TJP2: variants seen among roughly 807,000 people sequenced by gnomAD.
TJP2 encodes Friedreich ataxia region gene X104 (tight junction protein ZO-2).
In TJP2, 91 loss-of-function variants were observed where a neutral mutation model predicts 133.1. The ratio of observed to expected loss-of-function variants is 0.68; its 90% CI spans 0.58 to 0.81. The LOEUF (loss-of-function observed/expected upper bound fraction) is 0.81. TJP2 is among the 40% of genes least tolerant of loss of function. The pLI is 0.00. For synonymous variants in TJP2, 592 were observed against 583.4 expected (o/e 1.01, Z -0.21); for missense variants, 1,541 against 1,565.6 (o/e 0.98, Z 0.26).
chr9:69,162,716 C>A (rs1314593746), intron 2 of TJP2, among the ~76,000 whole-genome samples: 1 of 152,172 alleles, frequency 6.6e-6, no homozygotes, highest in East Asian at 1.9e-4. Context: ...CAAGTGTATA[C>A]CCCAGGTGTC....
intron 2 of TJP2, among the ~76,000 whole-genome samples, chr9:69,154,781 A>G (rs1020630377): frequency 2.6e-5 from 4 of 151,734 alleles, no homozygotes; most frequent in Non-Finnish European, 4.4e-5. Context: ...ATAATTTTAT[A>G]TAAAAAAATT....
intron 2 of TJP2, among the ~76,000 whole-genome samples, chr9:69,213,649 G>A (rs548216652): frequency 4.8e-4 from 73 of 152,364 alleles, no homozygotes; most frequent in South Asian, 2.3e-3. Context: ...CAGACTTCCA[G>A]ATCAGTAATC....
chr9:69,163,182 C>T lies in TJP2; in HGVS notation c.-10+11411C>T, dbSNP rs578053489. ...CTGGGACTACAGGCGCCCGCCACTA[C>T]GCCCGGCTAATTTTTTTTGTATTTT... On this transcript the variant is annotated intron_variant, in intron 2 of 5. Coordinates refer to the TJP2 transcript ENST00000423935. 1.4e-4 allele frequency among the ~76,000 whole-genome samples: 15 copies of T among 106,526 alleles called. 3 individuals are homozygous for T. Among genetic ancestry groups the T allele is most frequent in the East Asian group, 7.5e-4 (2 of 2,680 alleles). 69.9% of individuals were successfully genotyped at this position (106,526 alleles called of 152,430 possible). A position where few individuals can be genotyped will look rare whatever the true frequency, so the allele number is the denominator to read the frequency against.
At chr9:69,138,085 C>T (rs1173922225) in intron 1 of TJP2, among the ~76,000 whole-genome samples, 1 of 152,178 alleles carries the variant, frequency 6.6e-6, no homozygotes, top group Non-Finnish European at 1.5e-5. Flanking sequence ...GGATCTCCAT[C>T]CTGATTCCAA....
intron 1 of TJP2, among the ~76,000 whole-genome samples, chr9:69,134,303 G>A (rs1429763191): frequency 3.9e-5 from 6 of 152,214 alleles, no homozygotes; most frequent in Non-Finnish European, 7.3e-5. Flanking sequence ...CAGTCTGGAG[G>A]AGGCAGATGG....
At chr9:69,183,377 T>C (rs544955885) in intron 1 of TJP2, among the ~76,000 whole-genome samples, 117 of 152,284 alleles carry the variant, frequency 7.7e-4, no homozygotes, top group African/African-American at 2.7e-3. Context: ...TCTTCTGACT[T>C]CTCTCACCGT....
At chr9:69,217,869 A>T (rs988019984) in intron 3 of TJP2, among the ~76,000 whole-genome samples, 6 of 152,194 alleles carry the variant, frequency 3.9e-5, no homozygotes, top group Non-Finnish European at 7.3e-5. Context: ...GCACAAATGG[A>T]TATACACCTA....
chr9:69,152,051 TG>T (rs67559349), intron 2 of TJP2, among the ~76,000 whole-genome samples: 28,443 of 152,182 alleles, frequency 0.19, 2,734 homozygotes, highest in Middle Eastern at 0.23. Context: ...GTACAACTTC[TG>T]TGGTTCAAAA....
intron 3 of TJP2, among the ~76,000 whole-genome samples, chr9:69,218,051 A>G (rs970852595): frequency 6.6e-6 from 1 of 152,168 alleles, no homozygotes; most frequent in African/African-American, 2.4e-5. Flanking sequence ...ATTTCCATTT[A>G]GACACTCAGA....
At chr9:69,237,855 A>G in intron 14 of TJP2, 23 bp from the exon 15 acceptor site, 3 of 1,561,922 alleles carry the variant, frequency 1.9e-6, no homozygotes, top group Non-Finnish European at 2.6e-6. Flanking sequence ...TGTATGCTTT[A>G]ATGGCCTTTC....
chr9:69,227,930 A>AT lies in TJP2; in HGVS notation c.1320-48dup, dbSNP rs754359679. Reference sequence around the variant, plus strand: ...TCATTGTGAATGTACACACATATGTATTTATGAAACTGTTATCTCTTGAGA... The same window carrying AT: ...TCATTGTGAATGTACACACATATGTATTTTATGAAACTGTTATCTCTTGAGA... On this transcript the variant is annotated intron_variant, in intron 8 of 22. Coordinates refer to ENST00000377245, the MANE Select transcript of TJP2 (RefSeq NM_004817.4). 54 of 1,613,772 alleles carry AT rather than the reference A, an allele frequency of 3.3e-5. No individual in the cohort carries two copies. The Middle Eastern group carries it at 6.6e-4, about 20-fold the overall frequency.
intron 2 of TJP2, among the ~76,000 whole-genome samples, chr9:69,214,698 C>T (rs1176896278): frequency 6.6e-6 from 1 of 151,948 alleles, no homozygotes; most frequent in Non-Finnish European, 1.5e-5. Flanking sequence ...GAAACCCTCC[C>T]TGTCTCTCTA....
At chr9:69,183,739 A>T (rs1249524122) in intron 1 of TJP2, among the ~76,000 whole-genome samples, 3 of 151,950 alleles carry the variant, frequency 2.0e-5, no homozygotes, top group South Asian at 2.1e-4. Flanking sequence ...ATTTTAGATT[A>T]AAAAAAATAT....
Position 69,123,507 on chromosome 9 carries a change from G to A in TJP2, c.-131+1782G>A, listed in dbSNP as rs1173079314. 2.6e-5 allele frequency among the ~76,000 whole-genome samples: 2 copies of A among 76,692 alleles called. 1 individual carries two copies. The highest frequency in any genetic ancestry group is 6.0e-5 in the Non-Finnish European group (2 of 33,464). The allele number at this position is 76,692 out of a possible 152,430, so 50.3% of individuals were successfully genotyped here. ...ATTATATTTTTTGGAGGGAACAGAA[G>A]ATGTTGACTAAGAATGTACAGTAAA... On this transcript the variant is annotated intron_variant, in intron 1 of 5. Transcript: ENST00000423935.
rs1448680440 is a variant in TJP2 at position 69,193,288 on chromosome 9, C to G, written c.60+18856C>G. ...TTTGAAATTTTCAATTCGTAGGGAA[C>G]CGGCAGTCTCTCCCTTTTTATTTCT... On this transcript the variant is annotated intron_variant, in intron 1 of 22. Transcript: ENST00000377245. 2.8e-4 allele frequency among the ~76,000 whole-genome samples: 42 copies of G among 151,978 alleles called. 1 individual carries two copies. Among genetic ancestry groups the G allele is most frequent in the Admixed American group, 2.8e-3 (42 of 15,244 alleles).
chr9:69,236,277 T>C, intron 13 of TJP2, 39 bp downstream of exon 13: 1 of 1,604,658 alleles, frequency 6.2e-7, no homozygotes. Context: ...CTTTTAATCC[T>C]TCCCCCTGCA....
chr9:69,248,411 A>C (rs1056360414), intron 19 of TJP2, 187 bp downstream of exon 19: 17 of 1,435,088 alleles, frequency 1.2e-5, no homozygotes, highest in South Asian at 6.5e-5. Context: ...TGGGGCAGGC[A>C]GGTGGACTTC....
chr9:69,134,874 A>G (rs1822655747), intron 1 of TJP2, among the ~76,000 whole-genome samples: 1 of 152,006 alleles, frequency 6.6e-6, no homozygotes, highest in Non-Finnish European at 1.5e-5. Context: ...GCAGACAGCC[A>G]CCATCTTGCT....
At chr9:69,230,315 A>G in intron 11 of TJP2, 83 bp downstream of exon 11, 2 of 1,576,324 alleles carry the variant, frequency 1.3e-6, no homozygotes, top group Non-Finnish European at 1.7e-6. Flanking sequence ...GGGAAGACAA[A>G]ATGGTTCAGC....
Sources: allele counts gnomAD v4.1 joint callset (sites outside exome capture counted in the v4.1 genomes callset), GRCh38; gene constraint gnomAD v4.1.1; transcripts MANE v1.5; gene names NCBI Gene and HGNC (gene_info 2026-07-23, HGNC 2026-07-21).